Variants in LOXHD1 observed in about 807,000 individuals in gnomAD.
The protein encoded by LOXHD1 is lipoxygenase homology domain-containing protein 1.
In LOXHD1, 205 loss-of-function variants were observed where a neutral mutation model predicts 248.2. The ratio of observed to expected loss-of-function variants is 0.83; its 90% CI spans 0.74 to 0.93. The LOEUF is 0.93. Ranked by LOEUF, LOXHD1 falls within the 40% of genes least tolerant of loss-of-function variation. LOXHD1 has a pLI of 0.00. For missense variants in LOXHD1, 2,930 were observed against 2,971.6 expected, an observed-to-expected ratio of 0.99 and a Z score of 0.33; for synonymous variants, 1,113 against 1,162.8, an observed-to-expected ratio of 0.96 and a Z score of 0.87.
intron 17 of LOXHD1, among the ~76,000 whole-genome samples, chr18:46,564,883 G>A (rs574624566): frequency 6.6e-6 from 1 of 152,304 alleles, no homozygotes; most frequent in South Asian, 2.1e-4. Flanking sequence ...CTGGGAGCGG[G>A]AGAGGTGATT....
In LOXHD1 at chr18:46,560,156, G is replaced by A. The variant is rs1042991457; in HGVS notation, c.2988C>T (p.Arg996=). The A allele has an allele frequency of 8.6e-6, 13 of 1,512,478 alleles. No homozygotes were observed. In the South Asian group the frequency reaches 1.2e-4, roughly 14 times the overall value. 93.7% of individuals were successfully genotyped at this position (1,512,478 alleles called of 1,614,324 possible). A position where few individuals can be genotyped will look rare whatever the true frequency, so the allele number is the denominator to read the frequency against. ...TGTCCTCCTTGCCCCGGGCCAGCCAGCGGTGGGCTTCGAACTTGTGCTGCT... is the reference window on the plus strand; with the variant it reads ...TGTCCTCCTTGCCCCGGGCCAGCCAACGGTGGGCTTCGAACTTGTGCTGCT... ...VIEQHKFEAH[R]WLARGKEDNE... Residue 996 remains arginine, a synonymous_variant, in exon 19 of 41, where the codon CGC becomes CGT. Transcript: ENST00000642948.
At chr18:46,577,324 C>T (rs2037877151) in intron 14 of LOXHD1, among the ~76,000 whole-genome samples, 1 of 152,094 alleles carries the variant, frequency 6.6e-6, no homozygotes, top group African/African-American at 2.4e-5. Context: ...GAGGTATGGT[C>T]AGAAAGTTAT....
rs1011890978 is a variant in LOXHD1, at chr18:46,555,014, A to G, written c.3350+2342T>C. On this transcript the variant is annotated intron_variant, in intron 21 of 40. Coordinates refer to ENST00000642948, the MANE Select transcript of LOXHD1 (RefSeq NM_001384474.1). ...GAATAGCTAATATTTTTAAAGAATA[A>G]TGAAGGGGGACAAGTACTGACAGGC... The G allele has an allele frequency of 1.5e-4, 54 of 368,784 alleles. 1 individual carries two copies. The highest frequency in any genetic ancestry group is 1.1e-5 in the Non-Finnish European group (2 of 173,948). The allele number at this position is 368,784 out of a possible 1,614,324, so 22.8% of individuals were successfully genotyped here.
At chr18:46,505,198 T>G (rs1020193327) in intron 37 of LOXHD1, among the ~76,000 whole-genome samples, 2 of 152,136 alleles carry the variant, frequency 1.3e-5, no homozygotes, top group African/African-American at 4.8e-5. Context: ...TTTTTTTTTT[T>G]TGAGACAGGT....
chr18:46,517,171 G>T (rs1171743090), intron 34 of LOXHD1, among the ~76,000 whole-genome samples: 1 of 152,158 alleles, frequency 6.6e-6, no homozygotes, highest in East Asian at 1.9e-4. Context: ...TTCTTAAGAT[G>T]TCAGGGGCCA....
chr18:46,546,878 G>A lies in LOXHD1; in HGVS notation c.3514+17C>T, dbSNP rs1016953047. 1.9e-6 allele frequency: 3 copies of A among 1,546,012 alleles called. No homozygotes were observed. The highest frequency in any genetic ancestry group is 3.9e-5 in the Admixed American group (2 of 50,888). ...GGAGGGGTGCTGGAGAAAGAAATCAGCTCTAGTTTAGAAAACCTTTCTGCT... is the reference window on the plus strand; with the variant it reads ...GGAGGGGTGCTGGAGAAAGAAATCAACTCTAGTTTAGAAAACCTTTCTGCT... On this transcript the variant is annotated intron_variant, in intron 22 of 40. Transcript: ENST00000642948.
Position 46,542,866 on chromosome 18 carries a change from G to A in LOXHD1, c.3620-11C>T. 6.4e-7 allele frequency: 1 copy of A among 1,551,692 alleles called. No individual in the cohort carries two copies. The highest frequency in any genetic ancestry group is 1.2e-5 in the South Asian group (1 of 84,052). ...TCAGGAGGGTCATTCCTGTGGATCA[G>A]ATGACCCCAGCATGACTGGCTGGAC... On this transcript the variant is annotated splice_polypyrimidine_tract_variant and intron_variant, in intron 23 of 40. Coordinates refer to ENST00000642948, the MANE Select transcript of LOXHD1 (RefSeq NM_001384474.1).
intron 8 of LOXHD1, among the ~76,000 whole-genome samples, chr18:46,596,847 C>T (rs1027188746): frequency 1.3e-5 from 2 of 152,008 alleles, no homozygotes; most frequent in Admixed American, 6.6e-5. Context: ...AATTCTGTAC[C>T]GTAAAATTAT....
chr18:46,560,736 G>A (rs995649745), intron 18 of LOXHD1, among the ~76,000 whole-genome samples, 191 bp from the exon 19 acceptor site: 2 of 152,110 alleles, frequency 1.3e-5, no homozygotes, highest in African/African-American at 4.8e-5. Context: ...GGGTCCCCTG[G>A]GATTACCTGG....
intron 16 of LOXHD1, among the ~76,000 whole-genome samples, chr18:46,568,140 A>G (rs2037680477): frequency 6.6e-6 from 1 of 152,198 alleles, no homozygotes; most frequent in Admixed American, 6.5e-5. Flanking sequence ...GGGAGAAGAG[A>G]TTCCTAGGAC....
intron 18 of LOXHD1, among the ~76,000 whole-genome samples, chr18:46,561,781 C>T (rs2037534739): frequency 6.6e-6 from 1 of 152,216 alleles, no homozygotes; most frequent in Non-Finnish European, 1.5e-5. Context: ...TTATACTTCT[C>T]AGCTACTTAG....
At chr18:46,616,053 C>T (rs901502047) in intron 5 of LOXHD1, among the ~76,000 whole-genome samples, 1 of 152,014 alleles carries the variant, frequency 6.6e-6, no homozygotes, top group African/African-American at 2.4e-5. Flanking sequence ...TTATTTCATC[C>T]CATTTATTCT....
At chr18:46,539,882 G>C (rs1257073222) in intron 25 of LOXHD1, among the ~76,000 whole-genome samples, 1 of 152,202 alleles carries the variant, frequency 6.6e-6, no homozygotes, top group Non-Finnish European at 1.5e-5. Context: ...GCCCTTGAAA[G>C]GAGTCACAAT....
rs56323729 is a variant in LOXHD1 at position 46,545,627 on chromosome 18, CTT to C, written c.3515-208_3515-207del. ...GTTTCTATGTTCCTCTTGGCCATTTCTTTTTTTTTTTTTTTTTTTTGAGACGG... is the reference window on the plus strand; with the variant it reads ...GTTTCTATGTTCCTCTTGGCCATTTCTTTTTTTTTTTTTTTTTTGAGACGG... On this transcript the variant is annotated intron_variant, in intron 22 of 40. Transcript: ENST00000642948. Among the ~76,000 whole-genome samples, 217 of 92,234 alleles carry C rather than the reference CTT, an allele frequency of 2.4e-3. 4 individuals carry two copies. Among genetic ancestry groups the C allele is most frequent in the African/African-American group, 0.01 (207 of 20,500 alleles). The allele number at this position is 92,234 out of a possible 152,430, so 60.5% of individuals were successfully genotyped here.
chr18:46,593,535 C>T (rs998843637), intron 10 of LOXHD1, 65 bp downstream of exon 10: 4 of 1,521,210 alleles, frequency 2.6e-6, no homozygotes, highest in Non-Finnish European at 3.6e-6. Flanking sequence ...AACCAGAATC[C>T]CCAGGACGAA....
intron 34 of LOXHD1, among the ~76,000 whole-genome samples, chr18:46,515,337 A>C (rs1160558531): frequency 6.6e-6 from 1 of 152,218 alleles, no homozygotes; most frequent in Non-Finnish European, 1.5e-5. Context: ...CAAGGACTTC[A>C]AGACACAGGT....
At chr18:46,524,955 GCCA>G in intron 29 of LOXHD1, 38 bp from the exon 30 acceptor site, 1 of 1,547,958 alleles carries the variant, frequency 6.5e-7, no homozygotes, top group Non-Finnish European at 8.7e-7. Flanking sequence ...ATGGGGGTGT[GCCA>G]CCCACTCAAC....
chr18:46,631,613 G>T (rs995650384), intron 4 of LOXHD1, among the ~76,000 whole-genome samples: 1 of 152,164 alleles, frequency 6.6e-6, no homozygotes, highest in Non-Finnish European at 1.5e-5. Flanking sequence ...GAAGTGAGGG[G>T]CGAGGGGCCT....
rs992285955 is a variant in LOXHD1 at position 46,534,634 on chromosome 18, A to G, written c.4096-183T>C. Among the ~76,000 whole-genome samples, 3 of 152,158 alleles carry G rather than the reference A, an allele frequency of 2.0e-5. No individual in the cohort carries two copies. The East Asian group carries it at 5.8e-4, about 29-fold the overall frequency. On this transcript the variant is annotated intron_variant, in intron 26 of 40. Transcript: ENST00000642948. ...GACACACACGCCATGCTTATGCCTC[A>G]TGTCCCCTCTCTTAAAGTCAGCCTT... is the stretch of plus-strand genomic sequence containing the variant.
Sources: gnomAD v4.1 joint callset for allele counts (sites outside exome capture counted in the v4.1 genomes callset) on GRCh38, gnomAD v4.1.1 for gene constraint, MANE v1.5 for transcripts, NCBI Gene and HGNC (gene_info 2026-07-23, HGNC 2026-07-21) for gene names.